STYXL2: variants seen among roughly 807,000 people sequenced by gnomAD.
STYXL2 encodes serine/threonine/tyrosine interacting like 2.
Under a neutral mutation model 52.4 loss-of-function variants are expected in STYXL2, and 44 were observed. The observed-to-expected ratio is 0.84, with a 90% CI of 0.66 to 1.08. The LOEUF (loss-of-function observed/expected upper bound fraction) is 1.08. Among genes scored for constraint, STYXL2 ranks in the 50% least tolerant of loss-of-function variants. The pLI is 0.00. For missense variants in STYXL2, 1,604 were observed against 1,471.7 expected (o/e 1.09, Z -1.47); for synonymous variants, 604 against 586.9 (o/e 1.03, Z -0.42).
chr1:167,128,025 C>T lies in STYXL2; in HGVS notation c.2894C>T (p.Ser965Leu), dbSNP rs147653213. The T allele has an allele frequency of 1.5e-5, 24 of 1,614,088 alleles. No individual in the cohort carries two copies. Among genetic ancestry groups the T allele is most frequent in the African/African-American group, 4.0e-5 (3 of 74,920 alleles). Residue 965 changes from serine (S) to leucine (L), a missense_variant, in exon 6 of 6, where the codon TCG becomes TTG. By Grantham distance (145) the Ser-to-Leu change is moderately radical. Transcript: ENST00000361200. ...SGSSRGKYTRSSLLRETESKS... is the reference protein window; with the variant it reads ...SGSSRGKYTRLSLLRETESKS... Reference sequence around the variant, plus strand: ...AGTTCCAGAGGGAAGTACACCAGATCGTCCCTGCTCAGGGAGACAGAGTCT... The same window carrying T: ...AGTTCCAGAGGGAAGTACACCAGATTGTCCCTGCTCAGGGAGACAGAGTCT...
At chr1:167,116,651 G>GTTTTTTTTTTTTTTTTTTTTTTTTTTTGT (rs57553225) in intron 3 of STYXL2, among the ~76,000 whole-genome samples, 1 of 113,762 alleles carries the variant, frequency 8.8e-6, no homozygotes. Flanking sequence ...TTTTTTTTTG[G>GTTTTTTTTTTTTTTTTTTTTTTTTTTTGT]TTTTTTTTTT....
At chr1:167,107,310 A>G (rs1436608399) in intron 2 of STYXL2, among the ~76,000 whole-genome samples, 1 of 152,244 alleles carries the variant, frequency 6.6e-6, no homozygotes, top group African/African-American at 2.4e-5. Context: ...TCTATTGGTC[A>G]GAGTAGTCAC....
At chr1:167,094,982 C>A in intron 2 of STYXL2, 23 bp downstream of exon 2, 3 of 1,552,304 alleles carry the variant, frequency 1.9e-6, no homozygotes, top group Non-Finnish European at 2.6e-6. Flanking sequence ...TTATCTCCCA[C>A]CCTCACAGCC....
Position 167,101,448 on chromosome 1 carries a change from A to T in STYXL2, c.110+6489A>T, listed in dbSNP as rs79217296. 2.6e-3 allele frequency among the ~76,000 whole-genome samples: 392 copies of T among 152,300 alleles called. 12 individuals are homozygous for T. In the East Asian group the frequency reaches 0.053, roughly 20 times the overall value. ...AAATTAAACATACATCTACCTAAACATGCACACCTATATCTACATGATCCC... is the reference window on the plus strand; with the variant it reads ...AAATTAAACATACATCTACCTAAACTTGCACACCTATATCTACATGATCCC... On this transcript the variant is annotated intron_variant, in intron 2 of 5. Coordinates refer to ENST00000361200, the MANE Select transcript of STYXL2 (RefSeq NM_001080426.3).
At chr1:167,121,735 C>A (rs1030135279) in intron 5 of STYXL2, among the ~76,000 whole-genome samples, 1 of 152,242 alleles carries the variant, frequency 6.6e-6, no homozygotes, top group Non-Finnish European at 1.5e-5. Context: ...CAGGAGCCAG[C>A]GCGTCAGCTA....
chr1:167,119,120 A>C (rs753562366), intron 4 of STYXL2, 129 bp from the exon 5 acceptor site: 1 of 769,110 alleles, frequency 1.3e-6, no homozygotes, highest in Non-Finnish European at 2.2e-6. Flanking sequence ...TCCCCAGACA[A>C]CCAGGGGCAG....
At chr1:167,099,073 A>T (rs1202059772) in intron 2 of STYXL2, among the ~76,000 whole-genome samples, 1 of 152,190 alleles carries the variant, frequency 6.6e-6, no homozygotes. Context: ...ATACAAAGAG[A>T]CAAAAAGAGA....
chr1:167,114,077 G>A (rs915187715), intron 3 of STYXL2, among the ~76,000 whole-genome samples: 2 of 152,084 alleles, frequency 1.3e-5, no homozygotes, highest in Admixed American at 1.3e-4. Flanking sequence ...TTACCTCAGG[G>A]GTCCTGAGGT....
intron 3 of STYXL2, among the ~76,000 whole-genome samples, chr1:167,116,519 A>G (rs1215402952): frequency 6.6e-6 from 1 of 152,194 alleles, no homozygotes; most frequent in Non-Finnish European, 1.5e-5. Flanking sequence ...TGCATAAATT[A>G]CTGCTGAAAG....
Position 167,126,625 on chromosome 1 carries a change from G to T in STYXL2, c.1494G>T (p.Lys498Asn). 1.2e-6 allele frequency: 2 copies of T among 1,614,138 alleles called. No individual in the cohort carries two copies. The highest frequency in any genetic ancestry group is 1.7e-6 in the Non-Finnish European group (2 of 1,180,022). The change falls in exon 6 of 6, where the codon AAG (lysine) becomes AAT (asparagine). Residue 498 changes from lysine (K) to asparagine (N), a missense_variant. Physicochemically the swap from Lys to Asn is moderately conservative, Grantham distance 94. Coordinates refer to ENST00000361200, the MANE Select transcript of STYXL2 (RefSeq NM_001080426.3). Reference protein sequence around the residue: ...EKEASRRYHAKSKREEAADRS... With the variant: ...EKEASRRYHANSKREEAADRS... The stretch of plus-strand genomic sequence containing the variant: ...AGGCTTCCCGGAGGTACCACGCCAA[G>T]AGCAAGAGAGAGGAGGCGGCAGACA...
At chr1:167,121,921 G>A (rs560562190) in intron 5 of STYXL2, among the ~76,000 whole-genome samples, 2 of 152,324 alleles carry the variant, frequency 1.3e-5, no homozygotes, top group East Asian at 3.9e-4. Context: ...ACTACAGAGA[G>A]TTCGTGGCAT....
chr1:167,102,755 G>T (rs574136169), intron 2 of STYXL2, among the ~76,000 whole-genome samples: 3 of 152,146 alleles, frequency 2.0e-5, no homozygotes, highest in Non-Finnish European at 4.4e-5. Context: ...AGTCCTCCTT[G>T]TACTTGATAA....
Position 167,128,600 on chromosome 1 carries a change from G to C in STYXL2, c.3469G>C (p.Glu1157Gln), listed in dbSNP as rs1357704390. The C allele has an allele frequency of 1.9e-6, 3 of 1,611,182 alleles. No homozygotes were observed. The highest frequency in any genetic ancestry group is 2.5e-6 in the Non-Finnish European group (3 of 1,179,488). Residue 1157 changes from glutamate (E) to glutamine (Q), a missense_variant, in exon 6 of 6, where the codon GAG becomes CAG. Transcript: ENST00000361200. Reference protein sequence around the residue: ...ETRTKLQKRRED With the variant: ...ETRTKLQKRRQD ...CAGGACCAAGCTGCAGAAAAGGAGG[G>C]AGGACTGAGCTGGGGAAAATCTGAG...
chr1:167,105,896 T>C (rs927795540), intron 2 of STYXL2, among the ~76,000 whole-genome samples: 3 of 152,216 alleles, frequency 2.0e-5, no homozygotes, highest in African/African-American at 7.2e-5. Context: ...GGAGGAAATC[T>C]GTTCTTCATC....
Position 167,105,752 on chromosome 1 carries a change from C to T in STYXL2, c.111-7958C>T, listed in dbSNP as rs145262781. Among the ~76,000 whole-genome samples, 418 of 152,308 alleles carry T rather than the reference C, an allele frequency of 2.7e-3. 2 individuals carry two copies. The highest frequency in any genetic ancestry group is 4.6e-3 in the Non-Finnish European group (311 of 68,028). The stretch of plus-strand genomic sequence containing the variant: ...TTTATGACTATTAGGTTTACATCTC[C>T]CCCTCATGGCGGCTGACTCGTAAAA... On this transcript the variant is annotated intron_variant, in intron 2 of 5. Transcript: ENST00000361200.
chr1:167,096,777 A>G (rs1667293176), intron 2 of STYXL2, among the ~76,000 whole-genome samples: 2 of 152,188 alleles, frequency 1.3e-5, no homozygotes, highest in Non-Finnish European at 1.5e-5. Context: ...TCTCAGCCAC[A>G]ATGTACTCCT....
chr1:167,098,003 C>CTTTT (rs35037292), intron 2 of STYXL2, among the ~76,000 whole-genome samples: 13 of 96,598 alleles, frequency 1.3e-4, no homozygotes, highest in Admixed American at 2.2e-4. Flanking sequence ...TCTCTACAAA[C>CTTTT]TTTTTTTTTT....
chr1:167,114,724 C>T (rs973801273), intron 3 of STYXL2, among the ~76,000 whole-genome samples: 3 of 152,130 alleles, frequency 2.0e-5, no homozygotes, highest in African/African-American at 7.2e-5. Context: ...CTCTAGGAGG[C>T]CCCATCTTCT....
In STYXL2 at chr1:167,126,580, G is replaced by C; in HGVS notation, c.1449G>C (p.Arg483Ser). The change falls in exon 6 of 6, where the codon AGG becomes AGC. Residue 483 changes from arginine to serine, a missense_variant. By Grantham distance (110) the Arg-to-Ser change is moderately radical. Coordinates refer to ENST00000361200, the MANE Select transcript of STYXL2 (RefSeq NM_001080426.3). The stretch of plus-strand genomic sequence containing the variant: ...GCACCTGGGACGCATGGAACGAGAG[G>C]CTGCTGGAGATTGAGAAGGAGGCTT... ...SESTWDAWNERLLEIEKEASR... is the reference protein window; with the variant it reads ...SESTWDAWNESLLEIEKEASR... 1 of 1,614,072 alleles carries C rather than the reference G, an allele frequency of 6.2e-7. No individual in the cohort carries two copies. Among genetic ancestry groups the C allele is most frequent in the South Asian group, 1.1e-5 (1 of 91,078 alleles).
Sources: allele counts gnomAD v4.1 joint callset (sites outside exome capture counted in the v4.1 genomes callset), GRCh38; gene constraint gnomAD v4.1.1; transcripts MANE v1.5; gene names NCBI Gene and HGNC (gene_info 2026-07-23, HGNC 2026-07-21).